Variants in DYNC2LI1 observed in about 807,000 individuals in gnomAD.
DYNC2LI1 encodes cytoplasmic dynein 2 light intermediate chain 1.
In DYNC2LI1, 45 loss-of-function variants were observed where a neutral mutation model predicts 51.9. That is an observed-to-expected ratio of 0.87 (90% CI 0.68 to 1.11). DYNC2LI1 has a LOEUF of 1.11. Ranked by LOEUF, DYNC2LI1 falls within the 50% of genes most tolerant of loss-of-function variation. The pLI, the probability that DYNC2LI1 is intolerant of heterozygous loss-of-function variation, is 0.00. For synonymous variants in DYNC2LI1, 130 were observed against 137.8 expected (o/e 0.94, Z 0.40); for missense variants, 490 against 417.4 (o/e 1.17, Z -1.51).
intron 12 of DYNC2LI1, among the ~76,000 whole-genome samples, chr2:43,808,235 C>T (rs1341831313): frequency 6.7e-6 from 1 of 149,404 alleles, no homozygotes; most frequent in African/African-American, 2.5e-5. Context: ...CATGAAAATT[C>T]TTCCTAGAAT....
rs1482135056 is a variant in DYNC2LI1 at position 43,774,046 on chromosome 2, CT to C, written c.-92del. ...TCGCTCCCATGGCAACCCAGAAGGC[CT>C]CACTCCCAGACTCCTTGCGGAGCTC... On this transcript the variant is annotated 5_prime_UTR_variant, in exon 1 of 13. Coordinates refer to ENST00000260605, the MANE Select transcript of DYNC2LI1 (RefSeq NM_016008.4). The C allele has an allele frequency of 7.1e-6, 11 of 1,551,730 alleles. No individual in the cohort carries two copies. The highest frequency in any genetic ancestry group is 4.1e-5 in the African/African-American group (3 of 73,532).
At chr2:43,778,199 G>T (rs1673111728) in intron 2 of DYNC2LI1, among the ~76,000 whole-genome samples, 1 of 152,056 alleles carries the variant, frequency 6.6e-6, no homozygotes, top group South Asian at 2.1e-4. Flanking sequence ...GTCTCGCTCT[G>T]GTTGCCCAGG....
In DYNC2LI1 at chr2:43,787,250, A is replaced by T. The variant is rs377150715; in HGVS notation, c.231A>T (p.Thr77=). 16 of 1,611,082 alleles carry T rather than the reference A, an allele frequency of 9.9e-6. No individual in the cohort carries two copies. Among genetic ancestry groups the T allele is most frequent in the Admixed American group, 5.0e-5 (3 of 59,876 alleles). The part of the protein sequence containing the change: ...TYGRRAKGHN[T]PKDIAHFWEL... ...GAAGAAGAGCAAAAGGGCACAACAC[A>T]GTAAGTGTCTTTTAAAGTGACATTG... Residue 77 remains threonine, a splice_region_variant and synonymous_variant, in exon 4 of 13, where the codon ACA becomes ACT. Coordinates refer to ENST00000260605, the MANE Select transcript of DYNC2LI1 (RefSeq NM_016008.4).
the DYNC2LI1 span, chr2:43,826,504 C>T: frequency 6.2e-7 from 1 of 1,614,196 alleles, no homozygotes; most frequent in South Asian, 1.1e-5. Context: ...GTGGTTGGCT[C>T]ATCAAACAGC....
intron 2 of DYNC2LI1, among the ~76,000 whole-genome samples, chr2:43,779,893 T>C (rs1215143495): frequency 6.6e-6 from 1 of 152,238 alleles, no homozygotes; most frequent in Non-Finnish European, 1.5e-5. Flanking sequence ...ATCACTCACT[T>C]GCATGGGTGC....
intron 2 of DYNC2LI1, among the ~76,000 whole-genome samples, chr2:43,780,838 T>C (rs981402606): frequency 2.6e-5 from 4 of 152,006 alleles, no homozygotes; most frequent in Non-Finnish European, 5.9e-5. Context: ...GGAGGGAAGA[T>C]GGGATTCATT....
rs1305901346 is a variant in DYNC2LI1, at chr2:43,774,063, T to C, written c.-76T>C. On this transcript the variant is annotated 5_prime_UTR_variant, in exon 1 of 13. Transcript: ENST00000260605. ...CAGAAGGCCTCACTCCCAGACTCCT[T>C]GCGGAGCTCGCCGCCTGATTCTAGG... is the stretch of plus-strand genomic sequence containing the variant. The C allele has an allele frequency of 6.2e-7, 1 of 1,600,474 alleles. No homozygotes were observed. The highest frequency in any genetic ancestry group is 8.5e-7 in the Non-Finnish European group (1 of 1,173,660).
Position 43,804,706 on chromosome 2 carries a change from G to GA in DYNC2LI1, c.873dup (p.Val292SerfsTer3). 1.9e-6 allele frequency: 3 copies of GA among 1,604,750 alleles called. No homozygotes were observed. Among genetic ancestry groups the GA allele is most frequent in the Non-Finnish European group, 2.5e-6 (3 of 1,176,674 alleles). On this transcript the variant is annotated frameshift_variant, in exon 11 of 13. Coordinates refer to ENST00000260605, the MANE Select transcript of DYNC2LI1 (RefSeq NM_016008.4). LOFTEE classifies it high-confidence loss of function. ...ATGCCCACTCACCTATGGAGTTGTG[G>GA]AAAAAAGTGTATGAAAAGCTCTTTC...
At chr2:43,826,411 T>C in the DYNC2LI1 span, 10 of 1,614,050 alleles carry the variant, frequency 6.2e-6, no homozygotes, top group African/African-American at 1.3e-4. Flanking sequence ...GGCTGGTGAA[T>C]GGTGAGAACC....
chr2:43,791,317 G>A (rs1673772589), intron 5 of DYNC2LI1, among the ~76,000 whole-genome samples: 1 of 152,134 alleles, frequency 6.6e-6, no homozygotes, highest in South Asian at 2.1e-4. Context: ...GCTCTTACCT[G>A]GGTTGGGAGT....
chr2:43,823,008 A>C, the DYNC2LI1 span: 4 of 1,585,320 alleles, frequency 2.5e-6, no homozygotes, highest in East Asian at 2.3e-5. Flanking sequence ...GCCCAAGCTG[A>C]ATGTGAGGTC....
chr2:43,780,714 C>T (rs941266288), intron 2 of DYNC2LI1, among the ~76,000 whole-genome samples: 1 of 151,866 alleles, frequency 6.6e-6, no homozygotes, highest in African/African-American at 2.4e-5. Context: ...GAAGGGAAGA[C>T]AGAAGGGGAT....
the DYNC2LI1 span, chr2:43,820,098 G>A: frequency 4.5e-5 from 73 of 1,613,410 alleles, 1 homozygote; most frequent in South Asian, 2.7e-4. Flanking sequence ...TAAGCCCAGC[G>A]TCCTAGAAAA....
At chr2:43,828,330 T>C in the DYNC2LI1 span, 1 of 673,500 alleles carries the variant, frequency 1.5e-6, no homozygotes, top group Non-Finnish European at 2.5e-6. Flanking sequence ...ATAAATAATA[T>C]GAATTTTTTA....
At chr2:43,785,543 G>C (rs983953486) in intron 3 of DYNC2LI1, among the ~76,000 whole-genome samples, 2 of 151,828 alleles carry the variant, frequency 1.3e-5, no homozygotes, top group African/African-American at 4.8e-5. Context: ...AGATCAGCCT[G>C]GCCAACATAG....
downstream of DYNC2LI1, chr2:43,814,462 A>G (rs374254631): frequency 1.3e-6 from 2 of 1,531,654 alleles, no homozygotes; most frequent in Non-Finnish European, 1.8e-6. Context: ...TAATATCCCC[A>G]AATAGAATAC....
At chr2:43,817,269 G>A in the DYNC2LI1 span, among the ~76,000 whole-genome samples, 4 of 152,178 alleles carry the variant, frequency 2.6e-5, no homozygotes, top group Non-Finnish European at 4.4e-5. Flanking sequence ...GAAATCACTT[G>A]AAGTCAGGAG....
At chr2:43,824,116 C>T in the DYNC2LI1 span, 5 of 1,614,228 alleles carry the variant, frequency 3.1e-6, no homozygotes, top group East Asian at 2.2e-5. Flanking sequence ...TCTTGTCACT[C>T]TCCTGAAAAC....
chr2:43,788,259 A>G (rs1449841326), intron 4 of DYNC2LI1, among the ~76,000 whole-genome samples: 1 of 152,240 alleles, frequency 6.6e-6, no homozygotes, highest in Non-Finnish European at 1.5e-5. Flanking sequence ...TCAAATATGA[A>G]CAGCCAAACA....
Sources: allele counts gnomAD v4.1 joint callset (sites outside exome capture counted in the v4.1 genomes callset), GRCh38; gene constraint gnomAD v4.1.1; transcripts MANE v1.5; gene names NCBI Gene and HGNC (gene_info 2026-07-23, HGNC 2026-07-21).